Variants in SHISA6 observed in about 807,000 individuals in gnomAD.
SHISA6 encodes the protein protein shisa-6.
In SHISA6, 22 loss-of-function variants were observed where a neutral mutation model predicts 47.9. The ratio of observed to expected loss-of-function variants is 0.46; its 90% confidence interval spans 0.33 to 0.66. The LOEUF is 0.66. Ranked by LOEUF, SHISA6 falls within the 30% of genes least tolerant of loss-of-function variation. The pLI is 0.02. For missense variants in SHISA6, 680 were observed against 764.6 expected (o/e 0.89, Z 1.30); for synonymous variants, 388 against 337.8 (o/e 1.15, Z -1.63).
At chr17:11,372,449 T>C (rs1029285532) in intron 2 of SHISA6, among the ~76,000 whole-genome samples, 2 of 152,326 alleles carry the variant, frequency 1.3e-5, no homozygotes, top group South Asian at 4.1e-4. Context: ...AGGTATCTTA[T>C]ATTTTGCTTT....
At chr17:11,470,641 A>T (rs556337265) in intron 3 of SHISA6, among the ~76,000 whole-genome samples, 2 of 152,080 alleles carry the variant, frequency 1.3e-5, no homozygotes, top group East Asian at 1.9e-4. Flanking sequence ...ATTAAAAGGG[A>T]CAACAAGGCA....
chr17:11,267,381 C>G (rs1908465351), intron 2 of SHISA6, among the ~76,000 whole-genome samples: 1 of 152,154 alleles, frequency 6.6e-6, no homozygotes, highest in South Asian at 2.1e-4. Flanking sequence ...ACAAGATCCT[C>G]AGAGGATTTG....
chr17:11,429,216 GGGCC>G (rs1293119829), intron 3 of SHISA6, among the ~76,000 whole-genome samples: 1 of 152,128 alleles, frequency 6.6e-6, no homozygotes, highest in East Asian at 1.9e-4. Flanking sequence ...CTTGCCACAT[GGGCC>G]CCTCCAACAT....
chr17:11,272,152 A>G (rs1275640933), intron 2 of SHISA6, among the ~76,000 whole-genome samples: 1 of 152,044 alleles, frequency 6.6e-6, no homozygotes, highest in Admixed American at 6.5e-5. Context: ...TGGCTCTGCC[A>G]TCAGAAACCC....
intron 3 of SHISA6, among the ~76,000 whole-genome samples, chr17:11,485,027 G>T (rs1318311549): frequency 6.6e-6 from 1 of 152,108 alleles, no homozygotes; most frequent in African/African-American, 2.4e-5. Flanking sequence ...CATGCATTTG[G>T]TTTCTTCAAG....
rs545314158 is a variant in SHISA6, at chr17:11,484,429, C to A, written c.896-67467C>A. On this transcript the variant is annotated intron_variant, in intron 3 of 5. Transcript: ENST00000441885. ...TGTTGTTGTTGTTTTGAGACAGAGTCTTGCTCTGTCACCCAGGCTGGAGTG... is the reference window on the plus strand; with the variant it reads ...TGTTGTTGTTGTTTTGAGACAGAGTATTGCTCTGTCACCCAGGCTGGAGTG... 1.7e-3 allele frequency among the ~76,000 whole-genome samples: 256 copies of A among 152,284 alleles called. 1 individual carries two copies. Among genetic ancestry groups the A allele is most frequent in the African/African-American group, 5.9e-3 (247 of 41,558 alleles).
At position 11,558,501 on chromosome 17, in the gene SHISA6, C is replaced by G; in HGVS notation, c.*197C>G. On this transcript the variant is annotated 3_prime_UTR_variant, in exon 6 of 6. Coordinates refer to ENST00000441885, the MANE Select transcript of SHISA6 (RefSeq NM_207386.4). Reference sequence around the variant, plus strand: ...TGGCCTGGTCCAATACACTTAGACCCAGGACCAAGAGCAATCGCTCTTGCT... The same window carrying G: ...TGGCCTGGTCCAATACACTTAGACCGAGGACCAAGAGCAATCGCTCTTGCT... 1.6e-6 allele frequency: 1 copy of G among 619,736 alleles called. No homozygotes were observed. The highest frequency in any genetic ancestry group is 2.8e-6 in the Non-Finnish European group (1 of 356,086). The allele number at this position is 619,736 out of a possible 1,614,324, so 38.4% of individuals were successfully genotyped here. A position where few individuals can be genotyped will look rare whatever the true frequency, so the allele number is the denominator to read the frequency against.
chr17:11,438,470 G>A (rs575394886), intron 3 of SHISA6, among the ~76,000 whole-genome samples: 4 of 152,144 alleles, frequency 2.6e-5, no homozygotes, highest in South Asian at 4.1e-4. Flanking sequence ...GTCTGTGGAG[G>A]TCTCTCTTCC....
At chr17:11,512,127 T>C (rs2142355488) in intron 3 of SHISA6, among the ~76,000 whole-genome samples, 1 of 152,380 alleles carries the variant, frequency 6.6e-6, no homozygotes, top group African/African-American at 2.4e-5. Flanking sequence ...CGGCACCCTT[T>C]GATTTTGAAG....
At chr17:11,514,204 G>A (rs2071563993) in intron 3 of SHISA6, among the ~76,000 whole-genome samples, 1 of 152,256 alleles carries the variant, frequency 6.6e-6, no homozygotes, top group Admixed American at 6.5e-5. Flanking sequence ...TAGCTTGACT[G>A]TCCTGCCAGT....
chr17:11,316,155 G>GTT (rs1555527899), intron 2 of SHISA6, among the ~76,000 whole-genome samples: 3,480 of 123,516 alleles, frequency 0.028, 106 homozygotes, highest in East Asian at 0.14. Context: ...TGAACATAGT[G>GTT]TTTTTAAAAA....
rs1459916545 is a variant in SHISA6, at chr17:11,562,094, AAC to A, written c.*3795_*3796del. On this transcript the variant is annotated 3_prime_UTR_variant, in exon 6 of 6. Transcript: ENST00000441885. The stretch of plus-strand genomic sequence containing the variant: ...CTTGAGGGCTCTCAGCCACTGCTCC[AAC>A]ACACTTGCCCCCTTCCTGCTTGTGT... 6.6e-6 allele frequency: 1 copy of A among 152,080 alleles called. No homozygotes were observed. Among genetic ancestry groups the A allele is most frequent in the Non-Finnish European group, 1.5e-5 (1 of 68,126 alleles). 9.4% of individuals were successfully genotyped at this position (152,080 alleles called of 1,614,324 possible).
In SHISA6 at chr17:11,333,351, C is replaced by T. The variant is rs186324561; in HGVS notation, c.800-46063C>T. On this transcript the variant is annotated intron_variant, in intron 2 of 5. Coordinates refer to ENST00000441885, the MANE Select transcript of SHISA6 (RefSeq NM_207386.4). Reference sequence around the variant, plus strand: ...GATAGGAGCCCTTAGATAGCTCCAGCGTGGGGCAGTTGCCAGAAAGGCAAA... The same window carrying T: ...GATAGGAGCCCTTAGATAGCTCCAGTGTGGGGCAGTTGCCAGAAAGGCAAA... 2.3e-3 allele frequency among the ~76,000 whole-genome samples: 353 copies of T among 152,172 alleles called. 2 individuals carry two copies. Among genetic ancestry groups the T allele is most frequent in the Non-Finnish European group, 2.9e-3 (195 of 68,000 alleles).
chr17:11,490,878 G>T (rs1037023836), intron 3 of SHISA6, among the ~76,000 whole-genome samples: 1 of 152,270 alleles, frequency 6.6e-6, no homozygotes, highest in Non-Finnish European at 1.5e-5. Flanking sequence ...TCAATGAAGA[G>T]AAAGGGTCTT....
At chr17:11,417,355 G>A (rs1004877177) in intron 3 of SHISA6, among the ~76,000 whole-genome samples, 6 of 152,000 alleles carry the variant, frequency 3.9e-5, no homozygotes, top group Non-Finnish European at 7.4e-5. Flanking sequence ...ATCCATTACT[G>A]GGTAATTTAT....
chr17:11,409,527 A>T (rs1914057719), intron 3 of SHISA6, among the ~76,000 whole-genome samples: 1 of 152,028 alleles, frequency 6.6e-6, no homozygotes, highest in African/African-American at 2.4e-5. Flanking sequence ...AATATGGTGA[A>T]ATCCTGTCTC....
chr17:11,390,855 G>GTA (rs1567592748), intron 3 of SHISA6, among the ~76,000 whole-genome samples: 2 of 152,138 alleles, frequency 1.3e-5, no homozygotes, highest in African/African-American at 4.8e-5. Flanking sequence ...TGAAACTCAG[G>GTA]TATCAGTTGA....
chr17:11,493,887 C>T (rs2071386538), intron 3 of SHISA6, among the ~76,000 whole-genome samples: 1 of 150,628 alleles, frequency 6.6e-6, no homozygotes, highest in Non-Finnish European at 1.5e-5. Context: ...AAAATGAAAA[C>T]TCTAACTAAA....
chr17:11,506,513 T>C (rs563180944), intron 3 of SHISA6, among the ~76,000 whole-genome samples: 1 of 152,318 alleles, frequency 6.6e-6, no homozygotes, highest in Non-Finnish European at 1.5e-5. Flanking sequence ...TCAGTTATAA[T>C]CAATCATATG....
Sources: allele counts gnomAD v4.1 joint callset (sites outside exome capture counted in the v4.1 genomes callset), GRCh38; gene constraint gnomAD v4.1.1; transcripts MANE v1.5; gene names NCBI Gene and HGNC (gene_info 2026-07-23, HGNC 2026-07-21).